Variants in FREM2 observed in about 807,000 individuals in gnomAD.
FREM2 encodes the protein FRAS1 related extracellular matrix 2.
Under a neutral mutation model 219.9 loss-of-function variants are expected in FREM2, and 119 were observed. The observed-to-expected ratio is 0.54, with a 90% confidence interval of 0.47 to 0.63. FREM2 has a LOEUF of 0.63. FREM2 is among the 30% of genes least tolerant of loss of function. The pLI, the probability that FREM2 is intolerant of heterozygous loss-of-function variation, is 0.00. For missense variants in FREM2, 4,030 were observed against 3,993.6 expected (o/e 1.01, Z -0.25); for synonymous variants, 1,562 against 1,522.8 (o/e 1.03, Z -0.60).
intron 2 of FREM2, among the ~76,000 whole-genome samples, chr13:38,731,606 G>A (rs1177672054): frequency 6.6e-6 from 1 of 152,178 alleles, no homozygotes; most frequent in Non-Finnish European, 1.5e-5. Flanking sequence ...TCAATCTACG[G>A]ATTATGGATT....
chr13:38,691,457 C>A lies in FREM2; in HGVS notation c.4113C>A (p.Thr1371=), dbSNP rs148372562. The change falls in exon 1 of 24, where the codon ACC becomes ACA. Residue 1371 remains threonine (T), a synonymous_variant. Transcript: ENST00000280481. ...FENITLGMNF[T]QDEVDRNLIQ... is the part of the protein sequence containing the mutation. Reference sequence around the variant, plus strand: ...ATATCACACTGGGCATGAATTTTACCCAGGATGAAGTAGACAGAAACTTAA... The same window carrying A: ...ATATCACACTGGGCATGAATTTTACACAGGATGAAGTAGACAGAAACTTAA... The A allele has an allele frequency of 7.4e-6, 12 of 1,614,004 alleles. No individual in the cohort carries two copies. The highest frequency in any genetic ancestry group is 1.3e-5 in the African/African-American group (1 of 74,952).
At chr13:38,771,642 G>A (rs569913823) in intron 4 of FREM2, among the ~76,000 whole-genome samples, 1 of 152,134 alleles carries the variant, frequency 6.6e-6, no homozygotes, top group African/African-American at 2.4e-5. Context: ...TTCATTTCAT[G>A]TATTGATAAT....
intron 6 of FREM2, among the ~76,000 whole-genome samples, chr13:38,843,489 C>T (rs1277425949): frequency 6.6e-6 from 1 of 151,772 alleles, no homozygotes; most frequent in Non-Finnish European, 1.5e-5. Context: ...AAGTCTTACT[C>T]ATGAATAATA....
rs1182511420 is a variant in FREM2, at chr13:38,692,298, G to A, written c.4954G>A (p.Asp1652Asn). 1 of 1,612,124 alleles carries A rather than the reference G, an allele frequency of 6.2e-7. No individual in the cohort carries two copies. Among genetic ancestry groups the A allele is most frequent in the South Asian group, 1.1e-5 (1 of 90,854 alleles). Residue 1652 changes from aspartate to asparagine, a missense_variant, in exon 1 of 24, where the codon GAC (aspartate) becomes AAC (asparagine). Physicochemically the swap from Asp to Asn is conservative, Grantham distance 23. Coordinates refer to ENST00000280481, the MANE Select transcript of FREM2 (RefSeq NM_207361.6). ...GATGAAGATCCAGGTCTTGGCTGTT[G>A]ACAACAGTGTCCCCCAAATCGCAGT... ...QVMKIQVLAV[D>N]NSVPQIAVNK... is the part of the protein sequence containing the mutation.
chr13:38,778,236 T>C (rs570034183), intron 4 of FREM2, among the ~76,000 whole-genome samples: 27 of 152,200 alleles, frequency 1.8e-4, no homozygotes, highest in Non-Finnish European at 3.8e-4. Flanking sequence ...TGCCACAGAC[T>C]GGGGTGGCTT....
At chr13:38,761,994 A>G (rs1270283523) in intron 2 of FREM2, among the ~76,000 whole-genome samples, 1 of 152,188 alleles carries the variant, frequency 6.6e-6, no homozygotes, top group East Asian at 1.9e-4. Flanking sequence ...AAAGGAGCAC[A>G]GGTGGGTGTA....
Position 38,784,773 on chromosome 13 carries a change from G to A in FREM2, c.5984G>A (p.Gly1995Glu). 2 of 1,614,092 alleles carry A rather than the reference G, an allele frequency of 1.2e-6. No individual in the cohort carries two copies. ...GGAAGAATCGGATCAGAGTTCCCAG[G>A]GGCTCAAGTTACAATCGTTCCTGAC... ...MGGRIGSEFP[G>E]AQVTIVPDKD... Residue 1995 changes from glycine (G) to glutamate (E), a missense_variant, in exon 6 of 24, where the codon GGG becomes GAG. Physicochemically the swap from Gly to Glu is moderately conservative, Grantham distance 98. This residue lies in a region of FREM2 where 3,102 missense variants were observed against 2,950.7 expected (regional missense o/e 1.05). Coordinates refer to ENST00000280481, the MANE Select transcript of FREM2 (RefSeq NM_207361.6).
At chr13:38,770,116 T>A (rs1239400527) in intron 4 of FREM2, among the ~76,000 whole-genome samples, 3 of 147,928 alleles carry the variant, frequency 2.0e-5, no homozygotes, top group Non-Finnish European at 3.0e-5. Flanking sequence ...AATTTTCATA[T>A]TACCAGAAAA....
chr13:38,788,306 G>T (rs1874412826), intron 6 of FREM2, among the ~76,000 whole-genome samples: 1 of 152,136 alleles, frequency 6.6e-6, no homozygotes, highest in Non-Finnish European at 1.5e-5. Context: ...TTCACCCTGA[G>T]AGTAAAGTTG....
chr13:38,857,474 C>T (rs1197160529), intron 12 of FREM2, among the ~76,000 whole-genome samples: 1 of 152,162 alleles, frequency 6.6e-6, no homozygotes, highest in Non-Finnish European at 1.5e-5. Flanking sequence ...CTGTGATATT[C>T]CTTCCTTCAG....
chr13:38,687,118 G>C lies in FREM2; in HGVS notation c.-227G>C. Reference sequence around the variant, plus strand: ...AATTCTCCGCGCGATTGAGGCGCTAGCGGCGGAGCTGGACGGCCTGGGAAG... The same window carrying C: ...AATTCTCCGCGCGATTGAGGCGCTACCGGCGGAGCTGGACGGCCTGGGAAG... On this transcript the variant is annotated 5_prime_UTR_variant, in exon 1 of 24. Coordinates refer to ENST00000280481, the MANE Select transcript of FREM2 (RefSeq NM_207361.6). 1.7e-6 allele frequency: 1 copy of C among 598,302 alleles called. No homozygotes were observed. Among genetic ancestry groups the C allele is most frequent in the Non-Finnish European group, 2.9e-6 (1 of 339,366 alleles). The allele number at this position is 598,302 out of a possible 1,614,324, so 37.1% of individuals were successfully genotyped here. A position where few individuals can be genotyped will look rare whatever the true frequency, so the allele number is the denominator to read the frequency against.
chr13:38,749,837 T>C (rs1593383070), intron 2 of FREM2, among the ~76,000 whole-genome samples: 1 of 152,222 alleles, frequency 6.6e-6, no homozygotes, highest in Non-Finnish European at 1.5e-5. Flanking sequence ...GTCTGCTCTT[T>C]AAAAAGTTTA....
intron 2 of FREM2, among the ~76,000 whole-genome samples, chr13:38,751,025 T>C (rs75265697): frequency 0.072 from 11,002 of 152,164 alleles, 1,096 homozygotes; most frequent in African/African-American, 0.22. Context: ...CACAGTTTTG[T>C]TTTTTGTTTT....
intron 2 of FREM2, among the ~76,000 whole-genome samples, chr13:38,761,433 A>G (rs182165946): frequency 3.0e-4 from 45 of 152,318 alleles, no homozygotes; most frequent in Admixed American, 1.4e-3. Flanking sequence ...ATGTTATTCT[A>G]TCTTTTCTAT....
intron 6 of FREM2, among the ~76,000 whole-genome samples, chr13:38,834,265 A>G (rs902717393): frequency 1.3e-5 from 2 of 151,374 alleles, no homozygotes; most frequent in Middle Eastern, 3.4e-3. Flanking sequence ...GAGAACATGC[A>G]GTGTTTAGTT....
chr13:38,859,490 G>C lies in FREM2; in HGVS notation c.7419G>C (p.Gln2473His). ...TCACACTGGACTCCATATACTTTCAGCCTGGCTCCCGGGTACAGTGCGCAG... is the reference window on the plus strand; with the variant it reads ...TCACACTGGACTCCATATACTTTCACCCTGGCTCCCGGGTACAGTGCGCAG... ...KMVTLDSIYF[Q>H]PGSRVQCAAR... The change falls in exon 14 of 24, where the codon CAG becomes CAC. Residue 2473 changes from glutamine (Q) to histidine (H), a missense_variant. Coordinates refer to ENST00000280481, the MANE Select transcript of FREM2 (RefSeq NM_207361.6). 1 of 1,614,030 alleles carries C rather than the reference G, an allele frequency of 6.2e-7. No homozygotes were observed.
At position 38,688,035 on chromosome 13, in the gene FREM2, G is replaced by A; in HGVS notation, c.691G>A (p.Gly231Arg). The A allele has an allele frequency of 1.9e-6, 3 of 1,609,882 alleles. No homozygotes were observed. The highest frequency in any genetic ancestry group is 2.5e-6 in the Non-Finnish European group (3 of 1,176,942). ...CGGCTTGGGCGCGCTGCCTCGCTAT[G>A]GAGAACTCCTCCACTACCCGCAGGT... ...LSGLGALPRY[G>R]ELLHYPQVPG... The change falls in exon 1 of 24, where the codon GGA (glycine) becomes AGA (arginine). Residue 231 changes from glycine to arginine, a missense_variant. Transcript: ENST00000280481.
At chr13:38,801,472 G>C (rs148939372) in intron 6 of FREM2, among the ~76,000 whole-genome samples, 10 of 152,144 alleles carry the variant, frequency 6.6e-5, no homozygotes, top group African/African-American at 2.4e-4. Flanking sequence ...CTAATTTTTT[G>C]AATTTACTTT....
intron 6 of FREM2, among the ~76,000 whole-genome samples, chr13:38,812,306 T>G (rs1288145539): frequency 3.9e-5 from 6 of 152,172 alleles, no homozygotes; most frequent in African/African-American, 1.4e-4. Flanking sequence ...AGGTTATTAT[T>G]GATAAGTAGG....
Sources: allele counts gnomAD v4.1 joint callset (sites outside exome capture counted in the v4.1 genomes callset), GRCh38; gene constraint gnomAD v4.1.1; regional missense constraint gnomAD v4.1.1; transcripts MANE v1.5; gene names NCBI Gene and HGNC (gene_info 2026-07-23, HGNC 2026-07-21).